The following POU3F3 variants were observed in gnomAD, a reference collection of about 807,000 sequenced individuals.
POU3F3 encodes the protein POU class 3 homeobox 3, also known as POU domain, class 3, transcription factor 3.
Under a neutral mutation model 8.6 loss-of-function variants are expected in POU3F3, and 1 was observed. The observed-to-expected ratio is 0.12, with a 90% CI of 0.04 to 0.55. POU3F3 has a LOEUF of 0.55. Ranked by LOEUF, POU3F3 falls within the 20% of genes least tolerant of loss-of-function variation. The pLI is 0.91. For missense variants in POU3F3, 577 were observed against 690.7 expected, an observed-to-expected ratio of 0.84 and a Z score of 1.84; for synonymous variants, 418 against 327.4, an observed-to-expected ratio of 1.28 and a Z score of -2.99.
In POU3F3 at chr2:104,856,931, C is replaced by T. The variant is rs1318506049; in HGVS notation, c.1421C>T (p.Pro474Leu). 6.2e-7 allele frequency: 1 copy of T among 1,613,516 alleles called. No homozygotes were observed. The highest frequency in any genetic ancestry group is 8.5e-7 in the Non-Finnish European group (1 of 1,179,934). Residue 474 changes from proline (P) to leucine (L), a missense_variant, in exon 1 of 1, where the codon CCC (proline) becomes CTC (leucine). Around this residue, in one of 7 missense-constraint regions of POU3F3, gnomAD observed 35 missense variants for 50.3 expected, o/e 0.70. Coordinates refer to ENST00000361360, the MANE Select transcript of POU3F3 (RefSeq NM_006236.3). ...CCGCCCGGGATCCAACAGCAGACGC[C>T]CGACGACGTCTACTCGCAGGTGGGC... ...MTPPGIQQQT[P>L]DDVYSQVGTV...
the POU3F3 span, among the ~76,000 whole-genome samples, chr2:104,921,534 C>G: frequency 7.2e-5 from 11 of 152,124 alleles, no homozygotes; most frequent in Non-Finnish European, 1.5e-5. Flanking sequence ...TACATGGGTT[C>G]CTGGAGCAGC....
chr2:104,903,065 T>G, the POU3F3 span, among the ~76,000 whole-genome samples: 26 of 152,230 alleles, frequency 1.7e-4, no homozygotes, highest in African/African-American at 6.3e-4. Context: ...AATAGGCATA[T>G]TTCTTTTTGT....
the POU3F3 span, among the ~76,000 whole-genome samples, chr2:104,873,634 G>A: frequency 6.6e-6 from 1 of 152,246 alleles, no homozygotes; most frequent in Admixed American, 6.5e-5. Context: ...TCTAACGGGA[G>A]CAGCAAAAAG....
At chr2:104,908,122 T>C in the POU3F3 span, among the ~76,000 whole-genome samples, 1 of 152,230 alleles carries the variant, frequency 6.6e-6, no homozygotes, top group East Asian at 1.9e-4. Context: ...TTTCTTAATA[T>C]TAAACTATTA....
At chr2:104,916,086 C>T in the POU3F3 span, among the ~76,000 whole-genome samples, 3 of 152,074 alleles carry the variant, frequency 2.0e-5, no homozygotes, top group Non-Finnish European at 4.4e-5. Flanking sequence ...CATGATGAAA[C>T]AATTTTAATA....
the POU3F3 span, among the ~76,000 whole-genome samples, chr2:104,927,746 CAAAAAAAA>C: frequency 0.32 from 26,017 of 80,258 alleles, 2,490 homozygotes; most frequent in Middle Eastern, 0.44. Flanking sequence ...GACCTTGTCT[CAAAAAAAA>C]AAAAAAAAAA....
At chr2:104,882,937 G>A in the POU3F3 span, among the ~76,000 whole-genome samples, 2 of 152,278 alleles carry the variant, frequency 1.3e-5, no homozygotes, top group Admixed American at 1.3e-4. Flanking sequence ...AGAACAACAG[G>A]TGAAAATGAC....
chr2:104,859,990 T>C (rs952963599), downstream of POU3F3, among the ~76,000 whole-genome samples: 3 of 152,140 alleles, frequency 2.0e-5, no homozygotes, highest in Non-Finnish European at 2.9e-5. Context: ...TTTTATGTGG[T>C]GGATACTACT....
chr2:104,894,679 G>A, the POU3F3 span, among the ~76,000 whole-genome samples: 1 of 152,090 alleles, frequency 6.6e-6, no homozygotes, highest in African/African-American at 2.4e-5. Flanking sequence ...CAGATAGACA[G>A]TAAGAGTTCC....
the POU3F3 span, among the ~76,000 whole-genome samples, chr2:104,880,323 A>G: frequency 2.0e-5 from 3 of 152,142 alleles, no homozygotes; most frequent in Non-Finnish European, 4.4e-5. Flanking sequence ...TTAGAGGAGG[A>G]GAAAACCCTC....
the POU3F3 span, among the ~76,000 whole-genome samples, chr2:104,896,267 C>T: frequency 6.6e-6 from 1 of 152,334 alleles, no homozygotes; most frequent in African/African-American, 2.4e-5. Flanking sequence ...CTGCATGGAA[C>T]TTCTGCCCTC....
the POU3F3 span, chr2:104,865,475 C>G: frequency 6.6e-6 from 1 of 152,098 alleles, no homozygotes; most frequent in Non-Finnish European, 1.5e-5. Flanking sequence ...GAAGCAAAAA[C>G]TTTTTAAATT....
chr2:104,925,405 A>G, the POU3F3 span, among the ~76,000 whole-genome samples: 3 of 152,208 alleles, frequency 2.0e-5, no homozygotes, highest in Non-Finnish European at 2.9e-5. Flanking sequence ...TAAGAGAAGA[A>G]AGAAAATGAG....
the POU3F3 span, among the ~76,000 whole-genome samples, chr2:104,910,890 A>G: frequency 1.1e-4 from 16 of 151,902 alleles, no homozygotes; most frequent in Admixed American, 1.0e-3. Flanking sequence ...TAAAAACAAT[A>G]AAAAAATACA....
chr2:104,884,144 C>T, the POU3F3 span, among the ~76,000 whole-genome samples: 11 of 152,176 alleles, frequency 7.2e-5, no homozygotes, highest in South Asian at 6.2e-4. Context: ...AGGGGTGACA[C>T]GGAAGAGTGT....
chr2:104,927,331 G>T, the POU3F3 span, among the ~76,000 whole-genome samples: 2 of 151,888 alleles, frequency 1.3e-5, no homozygotes, highest in South Asian at 4.2e-4. Flanking sequence ...CCTTTTGGTG[G>T]CTTTTTAAAG....
the POU3F3 span, among the ~76,000 whole-genome samples, chr2:104,896,721 C>G: frequency 6.6e-6 from 1 of 152,202 alleles, no homozygotes; most frequent in Non-Finnish European, 1.5e-5. Flanking sequence ...TCCTCATTCT[C>G]TCGTCGAACC....
At chr2:104,871,123 A>T in the POU3F3 span, among the ~76,000 whole-genome samples, 5 of 152,302 alleles carry the variant, frequency 3.3e-5, no homozygotes, top group African/African-American at 1.2e-4. Context: ...GGTCTGCCGG[A>T]TTATCAGAGT....
At chr2:104,859,975 G>T (rs1453067595), downstream of POU3F3, among the ~76,000 whole-genome samples, 3 of 152,130 alleles carry the variant, frequency 2.0e-5, no homozygotes, top group Non-Finnish European at 4.4e-5. Flanking sequence ...GACTGGTCAG[G>T]TTGTTTTTAT....
Sources: gnomAD v4.1 joint callset for allele counts (sites outside exome capture counted in the v4.1 genomes callset) on GRCh38, gnomAD v4.1.1 for gene constraint, gnomAD v4.1.1 regional missense constraint, MANE v1.5 for transcripts, NCBI Gene and HGNC (gene_info 2026-07-23, HGNC 2026-07-21) for gene names.